Variants in EML3 observed in about 807,000 individuals in gnomAD.
The protein encoded by EML3 is echinoderm microtubule-associated protein-like 3.
A neutral mutation model predicts 106.7 loss-of-function variants in EML3; 53 were observed. The ratio of observed to expected loss-of-function variants is 0.50; its 90% confidence interval spans 0.40 to 0.62. The LOEUF is 0.62. Among genes scored for constraint, EML3 ranks in the 20% least tolerant of loss-of-function variants. The pLI is 0.00. For missense variants in EML3, 994 were observed against 1,209.1 expected (o/e 0.82, Z 2.64); for synonymous variants, 499 against 489.6 (o/e 1.02, Z -0.25).
chr11:62,602,670 G>A lies in EML3; in HGVS notation c.2496C>T (p.Ser832=), dbSNP rs1942291295. The change falls in exon 22 of 22, where the codon AGC becomes AGT. Residue 832 remains serine, a synonymous_variant. Transcript: ENST00000394773. ...QYPCARAKAP[S]RMYGGHGSHV... ...GGCTGCCGTGGCCCCCGTACATGCG[G>A]CTCGGCGCCTGGGCCGGAGGGAAGA... 6.3e-7 allele frequency: 1 copy of A among 1,596,854 alleles called. No homozygotes were observed. Among genetic ancestry groups the A allele is most frequent in the Non-Finnish European group, 8.5e-7 (1 of 1,174,700 alleles).
chr11:62,609,484 A>G lies in EML3; in HGVS notation c.635-7T>C. On this transcript the variant is annotated splice_polypyrimidine_tract_variant and splice_region_variant and intron_variant, in intron 5 of 21. Transcript: ENST00000394773. ...ATCTTCACTGAGATGCCTTCTACAG[A>G]GAAAAGGGGTGGTGTCAACTACCCC... 1.3e-6 allele frequency: 2 copies of G among 1,559,482 alleles called. No individual in the cohort carries two copies. The highest frequency in any genetic ancestry group is 1.7e-6 in the Non-Finnish European group (2 of 1,151,346).
At chr11:62,606,831 TG>T in intron 12 of EML3, 126 bp downstream of exon 12, 1 of 1,095,664 alleles carries the variant, frequency 9.1e-7, no homozygotes, top group Non-Finnish European at 1.2e-6. Context: ...CAATCCAGCC[TG>T]GGCAACAGAG....
rs766273321 is a variant in EML3, at chr11:62,605,801, G to A, written c.1783-28C>T. 2 of 1,605,904 alleles carry A rather than the reference G, an allele frequency of 1.2e-6. No individual in the cohort carries two copies. Among genetic ancestry groups the A allele is most frequent in the Non-Finnish European group, 1.7e-6 (2 of 1,175,320 alleles). On this transcript the variant is annotated intron_variant, in intron 14 of 21. Transcript: ENST00000394773. This position sits in a 1 kb window ranked among gnomAD's most constrained non-coding sequence, Gnocchi z 5.2. ...GCAGCACAGCATGACTGTCACTCCTGCCCCTCTCTCACACCCCTTTGTCCC... is the reference window on the plus strand; with the variant it reads ...GCAGCACAGCATGACTGTCACTCCTACCCCTCTCTCACACCCCTTTGTCCC...
chr11:62,608,675 T>C (rs747860236), intron 8 of EML3, 23 bp from the exon 9 acceptor site: 1 of 1,614,066 alleles, frequency 6.2e-7, no homozygotes, highest in Admixed American at 1.7e-5. Flanking sequence ...GAGTCACAAG[T>C]GTGAAGCAAA....
Position 62,604,023 on chromosome 11 carries a change from A to C in EML3, c.2090T>G (p.Ile697Ser). The change falls in exon 18 of 22, where the codon ATT becomes AGT. Residue 697 changes from isoleucine (I) to serine (S), a missense_variant. This residue lies in a region of EML3 where 713 missense variants were observed against 920.5 expected (regional missense o/e 0.77). Coordinates refer to ENST00000394773, the MANE Select transcript of EML3 (RefSeq NM_153265.3). Reference sequence around the variant, plus strand: ...GTAGATCACGTTGTCATGGGAACCAATGGCCAGGTACAACCCATCTGCAAA... The same window carrying C: ...GTAGATCACGTTGTCATGGGAACCACTGGCCAGGTACAACCCATCTGCAAA... ...RYSPDGLYLA[I>S]GSHDNVIYIY... 6.2e-7 allele frequency: 1 copy of C among 1,614,026 alleles called. No individual in the cohort carries two copies.
Position 62,608,653 on chromosome 11 carries a change from C to G in EML3, c.1000-1G>C, listed in dbSNP as rs1590754638. The G allele has an allele frequency of 1.2e-6, 2 of 1,614,206 alleles. No homozygotes were observed. The highest frequency in any genetic ancestry group is 1.3e-5 in the African/African-American group (1 of 75,042). Reference sequence around the variant, plus strand: ...AGATGTGAACCACAGGCTGCAGGGGCTGGTGGAGGAAGAGTCACAAGTGTG... The same window carrying G: ...AGATGTGAACCACAGGCTGCAGGGGGTGGTGGAGGAAGAGTCACAAGTGTG... On this transcript the variant is annotated splice_acceptor_variant, in intron 8 of 21. Coordinates refer to ENST00000394773, the MANE Select transcript of EML3 (RefSeq NM_153265.3). LOFTEE classifies it high-confidence loss of function.
chr11:62,605,797 T>A lies in EML3; in HGVS notation c.1783-24A>T. On this transcript the variant is annotated intron_variant, in intron 14 of 21. Coordinates refer to ENST00000394773, the MANE Select transcript of EML3 (RefSeq NM_153265.3). This position sits in a 1 kb window ranked among gnomAD's most constrained non-coding sequence, Gnocchi z 5.2. The stretch of plus-strand genomic sequence containing the variant: ...CCCTGCAGCACAGCATGACTGTCAC[T>A]CCTGCCCCTCTCTCACACCCCTTTG... 1 of 1,604,764 alleles carries A rather than the reference T, an allele frequency of 6.2e-7. No individual in the cohort carries two copies. Among genetic ancestry groups the A allele is most frequent in the Non-Finnish European group, 8.5e-7 (1 of 1,174,724 alleles).
chr11:62,610,850 G>A (rs900188360), intron 4 of EML3, 29 bp downstream of exon 4: 6 of 1,552,798 alleles, frequency 3.9e-6, no homozygotes, highest in African/African-American at 1.4e-5. Flanking sequence ...CGCCTGGGGC[G>A]GGGTGGGTTG....
At chr11:62,612,399 G>C (rs996191056) in intron 1 of EML3, 37 bp downstream of exon 1, 2 of 1,499,400 alleles carry the variant, frequency 1.3e-6, no homozygotes, top group Non-Finnish European at 1.8e-6. Flanking sequence ...CGGGCGCTCC[G>C]GGAAGGGGCA....
At position 62,607,717 on chromosome 11, in the gene EML3, T is replaced by A. The variant is rs1342067440; in HGVS notation, c.1311A>T (p.Gly437=). ...GGGTCCCATTCCCAGGAACCCCTAC[T>A]CCACCACTCCAATTCCAGAAGTGGA... is the stretch of plus-strand genomic sequence containing the variant. The part of the protein sequence containing the change: ...SHVHFWNWSG[G]VGVPGNGTLT... The change falls in exon 11 of 22, where the codon GGA becomes GGT. Residue 437 remains glycine, a synonymous_variant. Coordinates refer to ENST00000394773, the MANE Select transcript of EML3 (RefSeq NM_153265.3). 1 of 1,613,870 alleles carries A rather than the reference T, an allele frequency of 6.2e-7. No homozygotes were observed. Among genetic ancestry groups the A allele is most frequent in the African/African-American group, 1.3e-5 (1 of 74,864 alleles).
At position 62,606,198 on chromosome 11, in the gene EML3, C is replaced by T; in HGVS notation, c.1521G>A (p.Val507=). ...AACCTTCATGAGCGTGAGCCTGGGCCACAATCCCATAGGTCTCTGTTGGCA... is the reference window on the plus strand; with the variant it reads ...AACCTTCATGAGCGTGAGCCTGGGCTACAATCCCATAGGTCTCTGTTGGCA... The part of the protein sequence containing the change: ...RGGAKETYGI[V]AQAHAHEGSI... The change falls in exon 13 of 22, where the codon GTG becomes GTA. Residue 507 remains valine, a synonymous_variant. Coordinates refer to ENST00000394773, the MANE Select transcript of EML3 (RefSeq NM_153265.3). 2 of 1,613,914 alleles carry T rather than the reference C, an allele frequency of 1.2e-6. 1 individual carries two copies. Among genetic ancestry groups the T allele is most frequent in the Middle Eastern group, 3.3e-4 (2 of 6,062 alleles).
chr11:62,611,673 A>G (rs763905691), intron 1 of EML3, 77 bp from the exon 2 acceptor site: 3 of 1,473,072 alleles, frequency 2.0e-6, no homozygotes, highest in South Asian at 1.3e-5. Context: ...TCTCCCCACA[A>G]CTTTACATGT....
At chr11:62,603,002 C>T in intron 20 of EML3, 113 bp from the exon 21 acceptor site, 1 of 1,480,696 alleles carries the variant, frequency 6.8e-7, no homozygotes, top group Non-Finnish European at 9.0e-7. Context: ...GCGTTCCAGG[C>T]AAGCCTTCCC....
Position 62,612,738 on chromosome 11 carries a change from A to G in EML3, c.-281T>C. The G allele has an allele frequency of 7.6e-6, 2 of 262,086 alleles. No homozygotes were observed. The highest frequency in any genetic ancestry group is 1.1e-3 in the Middle Eastern group (1 of 894). 16.2% of individuals were successfully genotyped at this position (262,086 alleles called of 1,614,324 possible). On this transcript the variant is annotated 5_prime_UTR_variant, in exon 1 of 22. Transcript: ENST00000394773. ...GGGCCGTCCGGTGCCACAGCGCCGC[A>G]GCACAAACAGGCGCCGGACGCGGAG...
intron 19 of EML3, 50 bp from the exon 20 acceptor site, chr11:62,603,297 G>A (rs1476308054): frequency 1.6e-5 from 25 of 1,560,256 alleles, no homozygotes; most frequent in Non-Finnish European, 2.1e-5. Context: ...CCCTCAGTAG[G>A]GAAGATGCCA....
Position 62,604,006 on chromosome 11 carries a change from C to T in EML3, c.2107G>A (p.Val703Met), listed in dbSNP as rs773358190. Residue 703 changes from valine to methionine, a missense_variant, in exon 18 of 22, where the codon GTG becomes ATG. Coordinates refer to ENST00000394773, the MANE Select transcript of EML3 (RefSeq NM_153265.3). ...LYLAIGSHDN[V>M]IYIYSVSSDG... Reference sequence around the variant, plus strand: ...CTGGAAACACTATAGATGTAGATCACGTTGTCATGGGAACCAATGGCCAGG... The same window carrying T: ...CTGGAAACACTATAGATGTAGATCATGTTGTCATGGGAACCAATGGCCAGG... The T allele has an allele frequency of 6.8e-6, 11 of 1,613,992 alleles. No individual in the cohort carries two copies. The highest frequency in any genetic ancestry group is 1.1e-5 in the South Asian group (1 of 91,084).
At chr11:62,603,018 C>CCG (rs1565051914) in intron 20 of EML3, 129 bp from the exon 21 acceptor site, 2 of 1,487,178 alleles carry the variant, frequency 1.3e-6, no homozygotes, top group Non-Finnish European at 1.8e-6. Flanking sequence ...TTCCCGGTCC[C>CCG]GAGGGGCCTC....
chr11:62,612,242 G>A, intron 1 of EML3, 194 bp downstream of exon 1: 1 of 542,958 alleles, frequency 1.8e-6, no homozygotes, highest in Non-Finnish European at 3.2e-6. Context: ...GTAGAATGAC[G>A]CTGGGGAAGC....
chr11:62,603,892 C>T (rs1942376160), intron 18 of EML3, 52 bp downstream of exon 18: 1 of 1,612,014 alleles, frequency 6.2e-7, no homozygotes, highest in South Asian at 1.1e-5. Flanking sequence ...GCATCAGACC[C>T]CTGAGTTTCG....
Sources: gnomAD v4.1 joint callset for allele counts on GRCh38, gnomAD v4.1.1 for gene constraint, gnomAD v4.1.1 regional missense constraint, Gnocchi (gnomAD v3.1) non-coding constraint, MANE v1.5 for transcripts, NCBI Gene and HGNC (gene_info 2026-07-23, HGNC 2026-07-21) for gene names.